The following EPS8 variants were observed in gnomAD, a reference collection of about 807,000 sequenced individuals.
EPS8 encodes the protein epidermal growth factor receptor kinase substrate 8.
In EPS8, 42 loss-of-function variants were observed where a neutral mutation model predicts 103.8. The ratio of observed to expected loss-of-function variants is 0.40; its 90% confidence interval spans 0.32 to 0.52. The LOEUF is 0.52. Among genes scored for constraint, EPS8 ranks in the 20% least tolerant of loss-of-function variants. The pLI is 0.40. For synonymous variants in EPS8, 344 were observed against 344.6 expected (o/e 1.00, Z 0.02); for missense variants, 969 against 1,005.1 (o/e 0.96, Z 0.49).
rs957714916 is a variant in EPS8 at position 15,734,053 on chromosome 12, T to A, written c.-21-51081A>T. ...AAGGGTCTCTCCATGTTGCCCAGACTAGTCTCAAACTCCTGAGCTCAAGTA... is the reference window on the plus strand; with the variant it reads ...AAGGGTCTCTCCATGTTGCCCAGACAAGTCTCAAACTCCTGAGCTCAAGTA... On this transcript the variant is annotated intron_variant, in intron 1 of 20. Coordinates refer to ENST00000281172, the MANE Select transcript of EPS8 (RefSeq NM_004447.6). The surrounding 1 kb of genome is among the most constrained non-coding windows in gnomAD (Gnocchi z 4.1). 6.6e-6 allele frequency among the ~76,000 whole-genome samples: 1 copy of A among 152,108 alleles called. No homozygotes were observed. Among genetic ancestry groups the A allele is most frequent in the African/African-American group, 2.4e-5 (1 of 41,506 alleles).
rs1234815085 is a variant in EPS8 at position 15,702,327 on chromosome 12, G to A, written c.-21-19355C>T. Among the ~76,000 whole-genome samples, 1 of 152,158 alleles carries A rather than the reference G, an allele frequency of 6.6e-6. No homozygotes were observed. Among genetic ancestry groups the A allele is most frequent in the Non-Finnish European group, 1.5e-5 (1 of 68,034 alleles). ...CTTAAAATCTATCGTTTACACAGGC[G>A]ACAAGGTGAATAAAATTCTAGCACT... On this transcript the variant is annotated intron_variant, in intron 1 of 20. Coordinates refer to ENST00000281172, the MANE Select transcript of EPS8 (RefSeq NM_004447.6). This position sits in a 1 kb window ranked among gnomAD's most constrained non-coding sequence, Gnocchi z 5.1.
Sources: gnomAD v4.1 joint callset for allele counts (sites outside exome capture counted in the v4.1 genomes callset) on GRCh38, gnomAD v4.1.1 for gene constraint, Gnocchi (gnomAD v3.1) non-coding constraint, MANE v1.5 for transcripts, NCBI Gene and HGNC (gene_info 2026-07-23, HGNC 2026-07-21) for gene names.